KIF24: variants seen among roughly 807,000 people sequenced by gnomAD.
The protein encoded by KIF24 is kinesin-like protein KIF24.
A neutral mutation model predicts 118.9 loss-of-function variants in KIF24; 81 were observed. That is an observed-to-expected ratio of 0.68 (90% CI 0.57 to 0.82). The LOEUF is 0.82. Among genes scored for constraint, KIF24 ranks in the 40% least tolerant of loss-of-function variants. The pLI, the probability that KIF24 is intolerant of heterozygous loss-of-function variation, is 0.00. For missense variants in KIF24, 1,560 were observed against 1,661.6 expected (o/e 0.94, Z 1.06); for synonymous variants, 599 against 610.0 (o/e 0.98, Z 0.27).
At chr9:34,258,716 C>A (rs930505470) in intron 10 of KIF24, among the ~76,000 whole-genome samples, 1 of 152,170 alleles carries the variant, frequency 6.6e-6, no homozygotes, top group Non-Finnish European at 1.5e-5. Context: ...CTGCAAACCA[C>A]CCCCTTTCAG....
upstream of KIF24, among the ~76,000 whole-genome samples, chr9:34,330,710 C>G (rs1837891636): frequency 2.0e-5 from 3 of 152,298 alleles, no homozygotes; most frequent in South Asian, 4.1e-4. Context: ...GCCTGTAATC[C>G]TAGCCCTTTG....
chr9:34,268,873 T>C (rs2131698627), intron 8 of KIF24, among the ~76,000 whole-genome samples: 2 of 152,336 alleles, frequency 1.3e-5, no homozygotes, highest in Middle Eastern at 6.8e-3. Flanking sequence ...CATATGTTGG[T>C]AACTGTTGAA....
rs373263221 is a variant in KIF24, at chr9:34,311,238, T to C, written c.109A>G (p.Met37Val). ...QKIDELAKIT[M>V]KDYSKLGVHD... ...ACTCCTAATTTGGAGTAGTCCTTCA[T>C]TGTAATCTTGGCTAATTCATCTATT... The change falls in exon 2 of 13, where the codon ATG becomes GTG. Residue 37 changes from methionine (M) to valine (V), a missense_variant. By Grantham distance (21) the Met-to-Val change is conservative. Around this residue, in one of 3 missense-constraint regions of KIF24, gnomAD observed 964 missense variants for 988.0 expected, o/e 0.98. Coordinates refer to ENST00000402558, the MANE Select transcript of KIF24 (RefSeq NM_194313.4). 1.2e-6 allele frequency: 2 copies of C among 1,612,822 alleles called. No individual in the cohort carries two copies. Among genetic ancestry groups the C allele is most frequent in the Non-Finnish European group, 1.7e-6 (2 of 1,179,162 alleles).
intron 1 of KIF24, among the ~76,000 whole-genome samples, chr9:34,317,137 G>T (rs1837354204): frequency 6.6e-6 from 1 of 151,918 alleles, no homozygotes; most frequent in Non-Finnish European, 1.5e-5. Flanking sequence ...AGAATCACTT[G>T]TACCGGGAAA....
In KIF24 at chr9:34,311,370, C is replaced by T. The variant is rs1266122332; in HGVS notation, c.-24G>A. 6.7e-7 allele frequency: 1 copy of T among 1,485,108 alleles called. No individual in the cohort carries two copies. The allele number at this position is 1,485,108 out of a possible 1,614,324, so 92.0% of individuals were successfully genotyped here. On this transcript the variant is annotated splice_region_variant and 5_prime_UTR_variant, in exon 2 of 13. Coordinates refer to ENST00000402558, the MANE Select transcript of KIF24 (RefSeq NM_194313.4). Reference sequence around the variant, plus strand: ...ATTTTGGTGAATAGGTTTCTATAAACTCTGAAGAGAGAAAGAAAAGCCATT... The same window carrying T: ...ATTTTGGTGAATAGGTTTCTATAAATTCTGAAGAGAGAAAGAAAAGCCATT...
intron 5 of KIF24, among the ~76,000 whole-genome samples, chr9:34,287,882 C>T (rs892544385): frequency 8.8e-5 from 13 of 147,478 alleles, no homozygotes; most frequent in East Asian, 8.0e-4. Flanking sequence ...GTTACAGCCG[C>T]GTAACACAGC....
At chr9:34,333,332 A>C (rs1587988147), upstream of KIF24, among the ~76,000 whole-genome samples, 1 of 152,218 alleles carries the variant, frequency 6.6e-6, no homozygotes, top group East Asian at 1.9e-4. Context: ...TAGATTAAAG[A>C]CTGGGAATTT....
rs550731276 is a variant in KIF24, at chr9:34,292,654, A to G, written c.912-2265T>C. Among the ~76,000 whole-genome samples the G allele has an allele frequency of 6.6e-5, 10 of 152,354 alleles. No homozygotes were observed. The Middle Eastern group carries it at 0.01, about 155-fold the overall frequency. On this transcript the variant is annotated intron_variant, in intron 4 of 12. Coordinates refer to ENST00000402558, the MANE Select transcript of KIF24 (RefSeq NM_194313.4). ...GTAAAATGACAAAAGCAAGGGAACC[A>G]TAGAAATGTGAGAATCAAGACATGG...
At chr9:34,277,976 T>C (rs1236821344) in intron 6 of KIF24, among the ~76,000 whole-genome samples, 1 of 152,286 alleles carries the variant, frequency 6.6e-6, no homozygotes, top group African/African-American at 2.4e-5. Flanking sequence ...GTTTCTTATC[T>C]ATAAAATGGG....
intron 7 of KIF24, among the ~76,000 whole-genome samples, chr9:34,271,340 A>G (rs1472406230): frequency 2.1e-5 from 2 of 94,328 alleles, no homozygotes; most frequent in Non-Finnish European, 4.1e-5. Context: ...AAAAAAAAAA[A>G]AAAGAAAAAG....
intron 1 of KIF24, among the ~76,000 whole-genome samples, chr9:34,312,290 T>TA (rs1414885890): frequency 1.3e-5 from 2 of 152,216 alleles, no homozygotes; most frequent in Non-Finnish European, 2.9e-5. Flanking sequence ...TTGTATCTTT[T>TA]AAAAAATTTT....
In KIF24 at chr9:34,255,951, A is replaced by G; in HGVS notation, c.3656T>C (p.Leu1219Pro). The G allele has an allele frequency of 6.2e-7, 1 of 1,613,968 alleles. No individual in the cohort carries two copies. The change falls in exon 11 of 13, where the codon CTC (leucine) becomes CCC (proline). Residue 1219 changes from leucine to proline, a missense_variant. Leu to Pro is a moderately conservative substitution (Grantham distance 98). This residue lies in a region of KIF24 where 591 missense variants were observed against 655.6 expected (regional missense o/e 0.90). Coordinates refer to ENST00000402558, the MANE Select transcript of KIF24 (RefSeq NM_194313.4). ...RTGSSDVADQ[L>P]WAQERKHPTR... ...AGGATGTTTTCTCTCCTGGGCCCAG[A>G]GCTGGTCAGCCACATCACTACTTCC...
chr9:34,280,644 T>G (rs1167130049), intron 6 of KIF24, among the ~76,000 whole-genome samples: 1 of 152,144 alleles, frequency 6.6e-6, no homozygotes, highest in African/African-American at 2.4e-5. Context: ...CACACTTTTG[T>G]TCTGTACCTA....
chr9:34,257,511 A>G lies in KIF24; in HGVS notation c.2096T>C (p.Leu699Pro), dbSNP rs1422381960. 6.2e-7 allele frequency: 1 copy of G among 1,614,088 alleles called. No individual in the cohort carries two copies. ...CTGCACTTTCTTGCACTTGGTGGACAGCTTACCACGCACTAGGCCTTCTCC... is the reference window on the plus strand; with the variant it reads ...CTGCACTTTCTTGCACTTGGTGGACGGCTTACCACGCACTAGGCCTTCTCC... ...GPGEGLVRGK[L>P]STKCKKVQTV... The change falls in exon 11 of 13, where the codon CTG (leucine) becomes CCG (proline). Residue 699 changes from leucine (L) to proline (P), a missense_variant. Coordinates refer to ENST00000402558, the MANE Select transcript of KIF24 (RefSeq NM_194313.4).
rs1563931749 is a variant in KIF24, at chr9:34,256,289, A to C, written c.3318T>G (p.Ser1106=). 6.2e-7 allele frequency: 1 copy of C among 1,611,784 alleles called. No individual in the cohort carries two copies. Among genetic ancestry groups the C allele is most frequent in the Admixed American group, 1.7e-5 (1 of 59,822 alleles). Residue 1106 remains serine (S), a synonymous_variant, in exon 11 of 13, where the codon TCT becomes TCG. Transcript: ENST00000402558. The part of the protein sequence containing the change: ...SGDQEAALPV[S]SATRHLWLSS... ...ACAGCCACAGGTGCCTAGTTGCTGA[A>C]GACACTGGCAAGGCTGCCTCTTGAT...
intron 9 of KIF24, among the ~76,000 whole-genome samples, chr9:34,261,524 A>G (rs1271557402): frequency 6.6e-6 from 1 of 152,174 alleles, no homozygotes; most frequent in African/African-American, 2.4e-5. Context: ...GTTTTTTTCC[A>G]TGTCGCACAT....
Position 34,311,177 on chromosome 9 carries a change from A to C in KIF24, c.170T>G (p.Leu57Arg). ...DMNDRKRLFQ[L>R]IKIIKIMQEE... ...TTGCATAATCTTAATAATTTTGATA[A>C]GTTGGAAGAGACGTTTGCGGTCGTT... is the stretch of plus-strand genomic sequence containing the variant. Residue 57 changes from leucine to arginine, a missense_variant, in exon 2 of 13, where the codon CTT becomes CGT. Leu to Arg is a moderately radical substitution (Grantham distance 102). This residue lies in a region of KIF24 where 964 missense variants were observed against 988.0 expected (regional missense o/e 0.98). Coordinates refer to ENST00000402558, the MANE Select transcript of KIF24 (RefSeq NM_194313.4). The C allele has an allele frequency of 6.2e-7, 1 of 1,613,468 alleles. No homozygotes were observed.
At chr9:34,305,272 C>T (rs1316963149) in intron 3 of KIF24, among the ~76,000 whole-genome samples, 1 of 152,140 alleles carries the variant, frequency 6.6e-6, no homozygotes, top group Admixed American at 6.5e-5. Flanking sequence ...TTTATTTAAA[C>T]CCTTATATGT....
At chr9:34,322,697 T>C (rs538234371) in intron 1 of KIF24, among the ~76,000 whole-genome samples, 1 of 152,112 alleles carries the variant, frequency 6.6e-6, no homozygotes, top group Non-Finnish European at 1.5e-5. Flanking sequence ...CTACAAAAAA[T>C]ATAAAAATTG....
Sources: allele counts gnomAD v4.1 joint callset (sites outside exome capture counted in the v4.1 genomes callset), GRCh38; gene constraint gnomAD v4.1.1; regional missense constraint gnomAD v4.1.1; transcripts MANE v1.5; gene names NCBI Gene and HGNC (gene_info 2026-07-23, HGNC 2026-07-21).